MAN2B2: variants seen among roughly 807,000 people sequenced by gnomAD.
The protein encoded by MAN2B2 is mannosidase alpha class 2B member 2.
Under a neutral mutation model 117.1 loss-of-function variants are expected in MAN2B2, and 106 were observed. That is an observed-to-expected ratio of 0.90 (90% CI 0.77 to 1.06). MAN2B2 has a LOEUF of 1.06. Among genes scored for constraint, MAN2B2 ranks in the 50% least tolerant of loss-of-function variants. MAN2B2 has a pLI of 0.00. For missense variants in MAN2B2, 1,326 were observed against 1,381.4 expected, an observed-to-expected ratio of 0.96 and a Z score of 0.64; for synonymous variants, 544 against 595.1, an observed-to-expected ratio of 0.91 and a Z score of 1.25.
intron 17 of MAN2B2, chr4:6,618,516 T>TGA (rs979453957): frequency 2.6e-5 from 4 of 152,230 alleles, no homozygotes; most frequent in African/African-American, 9.6e-5. Flanking sequence ...AGAAGGTTGC[T>TGA]GAGAGGCCCT....
intron 5 of MAN2B2, among the ~76,000 whole-genome samples, chr4:6,591,879 G>C (rs769361946): frequency 4.2e-4 from 64 of 152,282 alleles, no homozygotes; most frequent in Middle Eastern, 3.4e-3. Context: ...CCTGTTCCAA[G>C]CATTCTCCCT....
In MAN2B2 at chr4:6,622,794, G is replaced by A. The variant is rs1712231472; in HGVS notation, c.*1509G>A. 2 of 151,984 alleles carry A rather than the reference G, an allele frequency of 1.3e-5. No individual in the cohort carries two copies. Among genetic ancestry groups the A allele is most frequent in the African/African-American group, 2.4e-5 (1 of 41,128 alleles). The allele number at this position is 151,984 out of a possible 1,614,324, so 9.4% of individuals were successfully genotyped here. On this transcript the variant is annotated 3_prime_UTR_variant, in exon 19 of 19. Transcript: ENST00000285599. ...GGAAATTATTTGGTACTCTAGGGCT[G>A]AAGGAAAGTACCCAGAAAGGACCAG...
rs73796288 is a variant in MAN2B2 at position 6,592,970 on chromosome 4, C to T, written c.681-203C>T. On this transcript the variant is annotated intron_variant, in intron 5 of 18. Transcript: ENST00000285599. ...CCGGCCTCTTTGGGGTCCTGAGACC[C>T]GGGGTCTGATGGGCGAGAAGTTGGC... 4.1e-3 allele frequency among the ~76,000 whole-genome samples: 622 copies of T among 152,330 alleles called. 5 individuals carry two copies. Among genetic ancestry groups the T allele is most frequent in the African/African-American group, 0.014 (570 of 41,572 alleles).
chr4:6,607,989 T>C (rs907721778), intron 11 of MAN2B2, among the ~76,000 whole-genome samples: 1 of 152,246 alleles, frequency 6.6e-6, no homozygotes, highest in Non-Finnish European at 1.5e-5. Context: ...ACTAATGGTG[T>C]TGAGCATCTC....
rs777771908 is a variant in MAN2B2 at position 6,575,196 on chromosome 4, C to G, written c.-15C>G. 7.8e-5 allele frequency: 109 copies of G among 1,405,620 alleles called. 1 individual carries two copies. In the East Asian group the frequency reaches 2.7e-3, roughly 35 times the overall value. 87.1% of individuals were successfully genotyped at this position (1,405,620 alleles called of 1,614,324 possible). A position where few individuals can be genotyped will look rare whatever the true frequency, so the allele number is the denominator to read the frequency against. On this transcript the variant is annotated 5_prime_UTR_variant, in exon 1 of 19. Coordinates refer to ENST00000285599, the MANE Select transcript of MAN2B2 (RefSeq NM_015274.3). ...CCCGGAAGTGGGCCTGGCACCTTCCCGGCCTGCCGCAGGGATGGGGCAGCT... is the reference window on the plus strand; with the variant it reads ...CCCGGAAGTGGGCCTGGCACCTTCCGGGCCTGCCGCAGGGATGGGGCAGCT...
Position 6,621,188 on chromosome 4 carries a change from G to T in MAN2B2, c.2933G>T (p.Gly978Val). The T allele has an allele frequency of 6.2e-7, 1 of 1,613,238 alleles. No individual in the cohort carries two copies. Among genetic ancestry groups the T allele is most frequent in the Non-Finnish European group, 8.5e-7 (1 of 1,179,256 alleles). The stretch of plus-strand genomic sequence containing the variant: ...GGACAGATCACCTCTGTTCCCCTAG[G>T]TGACACCACCTCTCCCTCGAGGCCA... ...SWRTGPGRHR[G>V]DTTSPSRPPG... is the part of the protein sequence containing the mutation. Residue 978 changes from glycine to valine, a missense_variant and splice_region_variant, in exon 19 of 19, where the codon GGT (glycine) becomes GTT (valine). Gly to Val is a moderately radical substitution (Grantham distance 109). Transcript: ENST00000285599.
At chr4:6,611,759 A>G (rs140619248) in intron 15 of MAN2B2, among the ~76,000 whole-genome samples, 5,140 of 152,246 alleles carry the variant, frequency 0.034, 158 homozygotes, top group African/African-American at 0.08. Flanking sequence ...GCACCGTTGC[A>G]CCCCAGCCTG....
intron 3 of MAN2B2, among the ~76,000 whole-genome samples, chr4:6,579,735 C>T (rs1418728465): frequency 6.6e-6 from 1 of 152,158 alleles, no homozygotes; most frequent in Non-Finnish European, 1.5e-5. Flanking sequence ...CCTCCACAAT[C>T]ATCATCACCA....
intron 17 of MAN2B2, 80 bp from the exon 18 acceptor site, chr4:6,619,847 C>G: frequency 7.7e-7 from 1 of 1,299,054 alleles, no homozygotes. Flanking sequence ...CGTGGTGTGT[C>G]TGCCCTGCTG....
intron 12 of MAN2B2, 83 bp downstream of exon 12, chr4:6,609,381 T>G (rs1727677294): frequency 1.4e-6 from 2 of 1,396,496 alleles, no homozygotes; most frequent in Non-Finnish European, 2.0e-6. Flanking sequence ...GGGTCTGTCT[T>G]TGCTCTGAAC....
Position 6,611,031 on chromosome 4 carries a change from C to A in MAN2B2, c.2370+41C>A, listed in dbSNP as rs764725446. 11 of 1,612,830 alleles carry A rather than the reference C, an allele frequency of 6.8e-6. No homozygotes were observed. In the South Asian group the frequency reaches 9.9e-5, roughly 14 times the overall value. On this transcript the variant is annotated intron_variant, in intron 14 of 18. Transcript: ENST00000285599. The stretch of plus-strand genomic sequence containing the variant: ...TGTCCTACAGCAGCCCCTCGCGGCC[C>A]CCTACAGGCATGCCCAGGTGCAAGC...
rs142469561 is a variant in MAN2B2 at position 6,609,382 on chromosome 4, T to C, written c.2006+84T>C. 174 of 1,370,828 alleles carry C rather than the reference T, an allele frequency of 1.3e-4. 1 individual carries two copies. In the African/African-American group the frequency reaches 2.3e-3, roughly 18 times the overall value. 84.9% of individuals were successfully genotyped at this position (1,370,828 alleles called of 1,614,324 possible). On this transcript the variant is annotated intron_variant, in intron 12 of 18. Coordinates refer to ENST00000285599, the MANE Select transcript of MAN2B2 (RefSeq NM_015274.3). ...AGCTCAGTGAATGAGGGTCTGTCTT[T>C]GCTCTGAACCCCAGCTTCCGGGCCG...
At chr4:6,597,075 A>G in intron 7 of MAN2B2, 38 bp from the exon 8 acceptor site, 7 of 1,588,518 alleles carry the variant, frequency 4.4e-6, no homozygotes, top group Non-Finnish European at 6.0e-6. Flanking sequence ...CTTCTGGGTC[A>G]TGCCGTCTCA....
chr4:6,604,975 G>T, intron 10 of MAN2B2, 80 bp from the exon 11 acceptor site: 1 of 1,476,682 alleles, frequency 6.8e-7, no homozygotes, highest in Non-Finnish European at 9.2e-7. Context: ...AGACACTGCT[G>T]CCTCAGCAAG....
chr4:6,578,432 A>G lies in MAN2B2; in HGVS notation c.325A>G (p.Ile109Val), dbSNP rs764303773. 12 of 1,613,734 alleles carry G rather than the reference A, an allele frequency of 7.4e-6. No homozygotes were observed. The East Asian group carries it at 2.7e-4, about 36-fold the overall frequency. The part of the protein sequence containing the change: ...LLEEGRLEFV[I>V]GGQVMHDEAV... The stretch of plus-strand genomic sequence containing the variant: ...GGAGGAAGGACGCCTGGAATTTGTC[A>G]TCGGAGGCCAGGTCATGCATGACGA... The change falls in exon 3 of 19, where the codon ATC (isoleucine) becomes GTC (valine). Residue 109 changes from isoleucine (I) to valine (V), a missense_variant. By Grantham distance (29) the Ile-to-Val change is conservative. Coordinates refer to ENST00000285599, the MANE Select transcript of MAN2B2 (RefSeq NM_015274.3).
intron 1 of MAN2B2, among the ~76,000 whole-genome samples, chr4:6,575,951 C>T (rs1364405900): frequency 6.6e-6 from 1 of 152,176 alleles, no homozygotes; most frequent in Non-Finnish European, 1.5e-5. Context: ...CAAGGTCGCT[C>T]GGGAATAACC....
At chr4:6,589,947 G>C (rs1478787104) in intron 5 of MAN2B2, among the ~76,000 whole-genome samples, 1 of 152,046 alleles carries the variant, frequency 6.6e-6, no homozygotes, top group Non-Finnish European at 1.5e-5. Flanking sequence ...GGTGCATGCA[G>C]TCCTAGATGC....
rs1726093816 is a variant in MAN2B2 at position 6,577,096 on chromosome 4, C to T, written c.285+372C>T. Among the ~76,000 whole-genome samples, 5 of 152,116 alleles carry T rather than the reference C, an allele frequency of 3.3e-5. No homozygotes were observed. The South Asian group carries it at 1.0e-3, about 32-fold the overall frequency. On this transcript the variant is annotated intron_variant, in intron 2 of 18. Coordinates refer to ENST00000285599, the MANE Select transcript of MAN2B2 (RefSeq NM_015274.3). ...TGTGTTATCTGCCTGGCCCCCGGGC[C>T]CAGGGTCTGGTGACCCTTGATGAGG...
chr4:6,617,581 C>A, intron 17 of MAN2B2, 89 bp downstream of exon 17: 1 of 1,561,506 alleles, frequency 6.4e-7, no homozygotes, highest in South Asian at 1.2e-5. Context: ...AAGAGATCCA[C>A]GAGGGCTTCC....
Sources: gnomAD v4.1 joint callset for allele counts (sites outside exome capture counted in the v4.1 genomes callset) on GRCh38, gnomAD v4.1.1 for gene constraint, MANE v1.5 for transcripts, NCBI Gene and HGNC (gene_info 2026-07-23, HGNC 2026-07-21) for gene names.